The following ADGRB3 variants were observed in gnomAD, a reference collection of about 807,000 sequenced individuals.
ADGRB3 encodes brain-specific angiogenesis inhibitor 3.
ADGRB3 carries 37 observed loss-of-function variants against 193.4 expected under a neutral mutation model. That is an observed-to-expected ratio of 0.19 (90% CI 0.15 to 0.25). ADGRB3 has a LOEUF of 0.25. Ranked by LOEUF, ADGRB3 falls within the 10% of genes least tolerant of loss-of-function variation. The pLI, the probability that ADGRB3 is intolerant of heterozygous loss-of-function variation, is 1.00. For synonymous variants in ADGRB3, 690 were observed against 644.2 expected (o/e 1.07, Z -1.08); for missense variants, 1,637 against 1,852.9 (o/e 0.88, Z 2.14).
chr6:69,061,660 T>C (rs996311410), intron 15 of ADGRB3, among the ~76,000 whole-genome samples: 4 of 150,850 alleles, frequency 2.7e-5, no homozygotes, highest in Non-Finnish European at 5.9e-5. Context: ...TTTAACCTAA[T>C]TGATAAATAC....
At chr6:69,085,623 T>G (rs1200418540) in intron 17 of ADGRB3, among the ~76,000 whole-genome samples, 1 of 152,000 alleles carries the variant, frequency 6.6e-6, no homozygotes, top group Non-Finnish European at 1.5e-5. Flanking sequence ...TTTTCCTTAA[T>G]ATTTAATTTG....
At chr6:69,076,817 T>C (rs1369832705) in intron 17 of ADGRB3, among the ~76,000 whole-genome samples, 2 of 151,994 alleles carry the variant, frequency 1.3e-5, no homozygotes, top group African/African-American at 4.8e-5. Flanking sequence ...GTAATCCCAC[T>C]CTATATATGC....
chr6:68,947,031 A>C (rs967991678), intron 6 of ADGRB3, among the ~76,000 whole-genome samples: 1 of 152,076 alleles, frequency 6.6e-6, no homozygotes, highest in Non-Finnish European at 1.5e-5. Context: ...AAGGAAAATG[A>C]AGGTATAGTA....
At chr6:69,356,863 AAAGG>A (rs1009486088) in intron 28 of ADGRB3, among the ~76,000 whole-genome samples, 14 of 152,106 alleles carry the variant, frequency 9.2e-5, no homozygotes, top group Admixed American at 9.2e-4. Context: ...CAATAGTTTT[AAAGG>A]AAACTATATG....
intron 17 of ADGRB3, among the ~76,000 whole-genome samples, chr6:69,128,117 G>A (rs1425454701): frequency 1.3e-5 from 2 of 152,088 alleles, no homozygotes; most frequent in Non-Finnish European, 2.9e-5. Context: ...TAGATGGGCT[G>A]TACCCAATCT....
At chr6:68,686,477 C>T (rs1764984496) in intron 3 of ADGRB3, among the ~76,000 whole-genome samples, 1 of 152,044 alleles carries the variant, frequency 6.6e-6, no homozygotes, top group Admixed American at 6.6e-5. Flanking sequence ...ATGATTATCT[C>T]CTGTTACAAT....
intron 19 of ADGRB3, among the ~76,000 whole-genome samples, chr6:69,236,284 C>A (rs906231665): frequency 6.6e-6 from 1 of 151,724 alleles, no homozygotes; most frequent in Non-Finnish European, 1.5e-5. Flanking sequence ...TATCTCTTGA[C>A]CCATTAGCAC....
chr6:68,765,333 A>G (rs1766487841), intron 3 of ADGRB3, among the ~76,000 whole-genome samples: 1 of 152,084 alleles, frequency 6.6e-6, no homozygotes, highest in Non-Finnish European at 1.5e-5. Flanking sequence ...ACAATGTTTA[A>G]TTTTAAGGAA....
chr6:69,306,333 C>A lies in ADGRB3; in HGVS notation c.2815-18539C>A, dbSNP rs939814482. On this transcript the variant is annotated intron_variant, in intron 20 of 31. Transcript: ENST00000370598. ...AAAAATCAAGACCACTAACATTTTT[C>A]TCTTGTTTTGCCTTTAATTCAAAGT... 4.6e-5 allele frequency among the ~76,000 whole-genome samples: 7 copies of A among 151,472 alleles called. 1 individual carries two copies. The highest frequency in any genetic ancestry group is 1.7e-4 in the African/African-American group (7 of 41,106).
At chr6:69,384,079 C>T (rs1226912217) in intron 31 of ADGRB3, among the ~76,000 whole-genome samples, 1 of 151,764 alleles carries the variant, frequency 6.6e-6, no homozygotes, top group Admixed American at 6.6e-5. Context: ...TCTTTTATTC[C>T]TCTCAGTACT....
intron 17 of ADGRB3, among the ~76,000 whole-genome samples, chr6:69,196,006 T>C (rs1765287470): frequency 6.6e-6 from 1 of 152,140 alleles, no homozygotes. Flanking sequence ...ATCTTAGATG[T>C]TTACAATTTA....
intron 13 of ADGRB3, among the ~76,000 whole-genome samples, chr6:69,029,927 A>G (rs1040208348): frequency 6.6e-6 from 1 of 151,732 alleles, no homozygotes; most frequent in Non-Finnish European, 1.5e-5. Flanking sequence ...TCAAGAGAAA[A>G]AATTTATGAA....
At chr6:68,939,706 T>C (rs1451745682) in intron 5 of ADGRB3, among the ~76,000 whole-genome samples, 1 of 152,182 alleles carries the variant, frequency 6.6e-6, no homozygotes, top group African/African-American at 2.4e-5. Context: ...GGTAAATATG[T>C]ACTTACTTTG....
chr6:69,190,174 C>T (rs1189795844), intron 17 of ADGRB3, among the ~76,000 whole-genome samples: 1 of 151,964 alleles, frequency 6.6e-6, no homozygotes, highest in African/African-American at 2.4e-5. Flanking sequence ...AAAAAGTTAA[C>T]TATAAAGTAG....
rs1766334673 is a variant in ADGRB3 at position 69,239,190 on chromosome 6, C to A, written c.2778C>A (p.Ile926=). 2 of 1,597,386 alleles carry A rather than the reference C, an allele frequency of 1.3e-6. No homozygotes were observed. Among genetic ancestry groups the A allele is most frequent in the African/African-American group, 2.7e-5 (2 of 74,364 alleles). ...NFCLSIISSN[I]LILVGQTQTH... is the part of the protein sequence containing the mutation. Reference sequence around the variant, plus strand: ...GCCTGTCTATCATCTCATCCAATATCCTCATACTGGTTGGACAGACTCAGA... The same window carrying A: ...GCCTGTCTATCATCTCATCCAATATACTCATACTGGTTGGACAGACTCAGA... The change falls in exon 20 of 32, where the codon ATC becomes ATA. Residue 926 remains isoleucine (I), a synonymous_variant. Coordinates refer to ENST00000370598, the MANE Select transcript of ADGRB3 (RefSeq NM_001704.3).
chr6:68,729,361 G>A (rs1440586066), intron 3 of ADGRB3, among the ~76,000 whole-genome samples: 1 of 151,580 alleles, frequency 6.6e-6, no homozygotes. Flanking sequence ...CTTTCTAAAT[G>A]TACCTTGACT....
At chr6:68,671,396 A>G (rs1768955876) in intron 3 of ADGRB3, among the ~76,000 whole-genome samples, 1 of 152,044 alleles carries the variant, frequency 6.6e-6, no homozygotes, top group African/African-American at 2.4e-5. Context: ...TGGGTCTGTC[A>G]TATATCACCT....
intron 17 of ADGRB3, among the ~76,000 whole-genome samples, chr6:69,221,084 T>C (rs1218079873): frequency 4.6e-5 from 7 of 152,012 alleles, no homozygotes; most frequent in Non-Finnish European, 1.0e-4. Context: ...GTACTGTCCA[T>C]AGCACAAAAG....
intron 15 of ADGRB3, among the ~76,000 whole-genome samples, chr6:69,059,313 T>G (rs1309111007): frequency 1.3e-5 from 2 of 152,108 alleles, no homozygotes; most frequent in African/African-American, 4.8e-5. Context: ...ATAGGATGTT[T>G]TATCCATACT....
Sources: gnomAD v4.1 joint callset for allele counts (sites outside exome capture counted in the v4.1 genomes callset) on GRCh38, gnomAD v4.1.1 for gene constraint, MANE v1.5 for transcripts, NCBI Gene and HGNC (gene_info 2026-07-23, HGNC 2026-07-21) for gene names.